Variants in GALNT1 observed in about 807,000 individuals in gnomAD.
GALNT1 encodes the protein polypeptide N-acetylgalactosaminyltransferase 1.
GALNT1 carries 17 observed loss-of-function variants against 65.7 expected under a neutral mutation model. The ratio of observed to expected loss-of-function variants is 0.26; its 90% CI spans 0.18 to 0.39. GALNT1 has a LOEUF of 0.39. GALNT1 is among the 10% of genes least tolerant of loss of function. GALNT1 has a pLI of 1.00. For missense variants in GALNT1, 460 were observed against 672.8 expected (o/e 0.68, Z 3.50); for synonymous variants, 210 against 219.7 (o/e 0.96, Z 0.39).
chr18:35,586,470 A>G (rs943626997), intron 1 of GALNT1, among the ~76,000 whole-genome samples: 5 of 152,036 alleles, frequency 3.3e-5, no homozygotes, highest in Admixed American at 2.0e-4. Flanking sequence ...TTTATGGATC[A>G]TTCTTTTTGG....
At chr18:35,602,264 G>A (rs1259838826) in intron 1 of GALNT1, among the ~76,000 whole-genome samples, 1 of 152,092 alleles carries the variant, frequency 6.6e-6, no homozygotes, top group African/African-American at 2.4e-5. Flanking sequence ...CATGTCATTT[G>A]CTTCTTTTTT....
rs552653455 is a variant in GALNT1, at chr18:35,626,855, A to T, written c.-103-27705A>T. ...ACAATAGCCAAAGGTTGAAAAGTGTAGTTTCTCCTTCAACATCTCTATGAG... is the reference window on the plus strand; with the variant it reads ...ACAATAGCCAAAGGTTGAAAAGTGTTGTTTCTCCTTCAACATCTCTATGAG... On this transcript the variant is annotated intron_variant, in intron 1 of 11. Transcript: ENST00000269195. Among the ~76,000 whole-genome samples, 5 of 152,342 alleles carry T rather than the reference A, an allele frequency of 3.3e-5. No homozygotes were observed. The South Asian group carries it at 1.0e-3, about 32-fold the overall frequency.
chr18:35,663,994 T>C, intron 3 of GALNT1, 192 bp downstream of exon 3: 1 of 526,644 alleles, frequency 1.9e-6, no homozygotes, highest in East Asian at 3.4e-5. Context: ...TAGCACTATG[T>C]ATTTCAGGCA....
chr18:35,666,997 CA>C (rs2047559036), intron 3 of GALNT1, among the ~76,000 whole-genome samples: 1 of 151,744 alleles, frequency 6.6e-6, no homozygotes, highest in African/African-American at 2.4e-5. Context: ...CAAATGTATA[CA>C]AAAATAGAGA....
intron 1 of GALNT1, among the ~76,000 whole-genome samples, chr18:35,623,882 T>A (rs2046885798): frequency 1.3e-5 from 2 of 152,244 alleles, no homozygotes; most frequent in Middle Eastern, 3.2e-3. Flanking sequence ...CTGGGTCATC[T>A]TCTGTTCAGT....
At chr18:35,698,904 C>A (rs1215255669) in intron 9 of GALNT1, among the ~76,000 whole-genome samples, 3 of 152,116 alleles carry the variant, frequency 2.0e-5, no homozygotes, top group African/African-American at 7.2e-5. Context: ...ATTGCTTGAA[C>A]CCGGGAGGCA....
chr18:35,701,535 A>C (rs754904691), intron 9 of GALNT1, among the ~76,000 whole-genome samples: 1 of 152,196 alleles, frequency 6.6e-6, no homozygotes, highest in Non-Finnish European at 1.5e-5. Flanking sequence ...TTTCACAATT[A>C]ATGGATAAAA....
chr18:35,609,957 T>C (rs970309216), intron 1 of GALNT1, among the ~76,000 whole-genome samples: 5 of 152,212 alleles, frequency 3.3e-5, no homozygotes, highest in Non-Finnish European at 7.3e-5. Context: ...AAGTCATTTT[T>C]TGAGATGAAT....
intron 3 of GALNT1, among the ~76,000 whole-genome samples, chr18:35,665,736 C>T (rs2047540911): frequency 6.6e-6 from 1 of 152,156 alleles, no homozygotes; most frequent in South Asian, 2.1e-4. Context: ...AATCTAAAAT[C>T]TTATATTCAG....
intron 1 of GALNT1, among the ~76,000 whole-genome samples, chr18:35,615,752 C>T (rs1434079553): frequency 6.6e-6 from 1 of 152,184 alleles, no homozygotes; most frequent in Non-Finnish European, 1.5e-5. Flanking sequence ...AAAGCAAGAG[C>T]TGTTTCTTAG....
chr18:35,625,644 T>C (rs1308908849), intron 1 of GALNT1, among the ~76,000 whole-genome samples: 2 of 152,144 alleles, frequency 1.3e-5, no homozygotes, highest in Non-Finnish European at 2.9e-5. Flanking sequence ...CAAAAACATG[T>C]AGAAAATCTT....
chr18:35,636,162 TTAAA>T (rs1176392972), intron 1 of GALNT1, among the ~76,000 whole-genome samples: 3 of 152,320 alleles, frequency 2.0e-5, no homozygotes, highest in Non-Finnish European at 4.4e-5. Flanking sequence ...GTTAACATAG[TTAAA>T]TAGATTCCCA....
chr18:35,697,445 G>C lies in GALNT1; in HGVS notation c.1299+5125G>C, dbSNP rs984586250. Among the ~76,000 whole-genome samples the C allele has an allele frequency of 2.6e-5, 4 of 152,222 alleles. No homozygotes were observed. The East Asian group carries it at 7.7e-4, about 29-fold the overall frequency. ...CATCCATCTGTACCACCATTCCCCG[G>C]TCCTACCAATAGTCATGATATATTA... On this transcript the variant is annotated intron_variant, in intron 9 of 11. Coordinates refer to ENST00000269195, the MANE Select transcript of GALNT1 (RefSeq NM_020474.4).
rs992415124 is a variant in GALNT1, at chr18:35,615,060, AAAC to A, written c.-104+33200_-104+33202del. Among the ~76,000 whole-genome samples the A allele has an allele frequency of 9.5e-4, 144 of 152,276 alleles. 1 individual carries two copies. Among genetic ancestry groups the A allele is most frequent in the African/African-American group, 3.0e-3 (125 of 41,576 alleles). On this transcript the variant is annotated intron_variant, in intron 1 of 11. Transcript: ENST00000269195. ...TATATGAATTTATTGCTATTAAAAA[AAAC>A]ACCCAGCAGGGTATGGTTTTGTTTG...
intron 11 of GALNT1, among the ~76,000 whole-genome samples, chr18:35,707,923 G>A (rs562247885): frequency 1.3e-5 from 2 of 152,180 alleles, no homozygotes; most frequent in African/African-American, 2.4e-5. Flanking sequence ...TGCTCAGGAC[G>A]TTGCCAGGAT....
rs1347700585 is a variant in GALNT1, at chr18:35,631,917, A to G, written c.-103-22643A>G. Reference sequence around the variant, plus strand: ...AAGCATTCTTATACACCAATAACAGACAGCCAAATCATGAGTGAACTCCCA... The same window carrying G: ...AAGCATTCTTATACACCAATAACAGGCAGCCAAATCATGAGTGAACTCCCA... On this transcript the variant is annotated intron_variant, in intron 1 of 11. Coordinates refer to ENST00000269195, the MANE Select transcript of GALNT1 (RefSeq NM_020474.4). Among the ~76,000 whole-genome samples, 3 of 152,266 alleles carry G rather than the reference A, an allele frequency of 2.0e-5. No individual in the cohort carries two copies. In the East Asian group the frequency reaches 5.8e-4, roughly 29 times the overall value.
chr18:35,608,170 T>C (rs143164090), intron 1 of GALNT1, among the ~76,000 whole-genome samples: 2 of 152,298 alleles, frequency 1.3e-5, no homozygotes, highest in African/African-American at 4.8e-5. Flanking sequence ...TCAATGAAGT[T>C]GTCTTACTGC....
At position 35,663,812 on chromosome 18, in the gene GALNT1, T is replaced by TA. The variant is rs749802864; in HGVS notation, c.314+11dup. 3.1e-6 allele frequency: 5 copies of TA among 1,611,388 alleles called. No individual in the cohort carries two copies. Among genetic ancestry groups the TA allele is most frequent in the African/African-American group, 2.7e-5 (2 of 74,828 alleles). On this transcript the variant is annotated intron_variant, in intron 3 of 11. Transcript: ENST00000269195. ...ATGTTAGGTTAGAAGGGTAAGTACT[T>TA]ACTGTGGTCCTGATAGTATGTGAAT...
At chr18:35,631,818 A>C (rs2047015268) in intron 1 of GALNT1, among the ~76,000 whole-genome samples, 1 of 152,228 alleles carries the variant, frequency 6.6e-6, no homozygotes, top group African/African-American at 2.4e-5. Context: ...CCATCGTCTC[A>C]GCCCAAAATC....
Sources: allele counts gnomAD v4.1 joint callset (sites outside exome capture counted in the v4.1 genomes callset), GRCh38; gene constraint gnomAD v4.1.1; transcripts MANE v1.5; gene names NCBI Gene and HGNC (gene_info 2026-07-23, HGNC 2026-07-21).